MSRA: variants seen among roughly 807,000 people sequenced by gnomAD.
MSRA encodes the protein methionine sulfoxide reductase A, also known as mitochondrial peptide methionine sulfoxide reductase.
MSRA carries 54 observed loss-of-function variants against 31.3 expected under a neutral mutation model. The observed-to-expected ratio is 1.73, with a 90% CI of 1.39 to 2.17. The LOEUF (loss-of-function observed/expected upper bound fraction) is 2.17, where lower values mean the gene tolerates loss of function less well. Ranked by LOEUF, MSRA falls within the 30% of genes most tolerant of loss-of-function variation. MSRA has a pLI of 0.00. For synonymous variants in MSRA, 169 were observed against 116.5 expected (o/e 1.45, Z -2.90); for missense variants, 507 against 300.9 (o/e 1.69, Z -5.07).
chr8:10,349,752 T>C (rs1022993703), intron 5 of MSRA, among the ~76,000 whole-genome samples: 5 of 152,258 alleles, frequency 3.3e-5, no homozygotes, highest in Admixed American at 6.5e-5. Context: ...GAGGCTCTTT[T>C]AGGTCTAAGA....
chr8:10,125,781 C>T (rs575921145), intron 1 of MSRA, among the ~76,000 whole-genome samples: 1 of 152,324 alleles, frequency 6.6e-6, no homozygotes, highest in African/African-American at 2.4e-5. Flanking sequence ...AGTATCTTAA[C>T]CATTGCTATC....
chr8:10,395,770 T>A (rs1807059624), intron 5 of MSRA, among the ~76,000 whole-genome samples: 1 of 152,208 alleles, frequency 6.6e-6, no homozygotes, highest in South Asian at 2.1e-4. Flanking sequence ...TGAAGTCCAA[T>A]GAAACCTGCG....
chr8:10,346,125 T>C (rs1803759089), intron 5 of MSRA, among the ~76,000 whole-genome samples: 1 of 152,226 alleles, frequency 6.6e-6, no homozygotes, highest in Non-Finnish European at 1.5e-5. Context: ...TCCCTAAGGA[T>C]ACCAGGCCAT....
At chr8:10,277,726 G>A (rs756754592) in intron 3 of MSRA, among the ~76,000 whole-genome samples, 3 of 151,962 alleles carry the variant, frequency 2.0e-5, no homozygotes, top group Non-Finnish European at 2.9e-5. Flanking sequence ...TCTAATTTAC[G>A]GTTCTTTGGC....
intron 5 of MSRA, among the ~76,000 whole-genome samples, chr8:10,388,756 T>C (rs1001591442): frequency 5.3e-5 from 8 of 152,010 alleles, no homozygotes; most frequent in Non-Finnish European, 1.0e-4. Flanking sequence ...TGGAGCCAGA[T>C]AATTCCGTGT....
intron 1 of MSRA, among the ~76,000 whole-genome samples, chr8:10,105,823 T>A (rs1390555071): frequency 6.6e-6 from 1 of 152,184 alleles, no homozygotes; most frequent in Non-Finnish European, 1.5e-5. Context: ...CCGACTTTGC[T>A]CATGCTGTCC....
chr8:10,206,595 C>G (rs761406202), intron 1 of MSRA, among the ~76,000 whole-genome samples: 4 of 152,202 alleles, frequency 2.6e-5, no homozygotes, highest in East Asian at 1.9e-4. Flanking sequence ...CTCCACTGCA[C>G]CAAGACAGAT....
chr8:10,076,405 G>A (rs904028267), intron 1 of MSRA, among the ~76,000 whole-genome samples: 1 of 152,182 alleles, frequency 6.6e-6, no homozygotes, highest in South Asian at 2.1e-4. Context: ...CTCCACCTGA[G>A]CTCCAGCCTT....
At chr8:10,264,274 C>G (rs1173452961) in intron 3 of MSRA, among the ~76,000 whole-genome samples, 2 of 152,186 alleles carry the variant, frequency 1.3e-5, no homozygotes, top group Non-Finnish European at 2.9e-5. Context: ...ATGAGAACTC[C>G]AGCTATTAGC....
chr8:10,202,825 A>T (rs1808620278), intron 1 of MSRA, among the ~76,000 whole-genome samples: 1 of 152,226 alleles, frequency 6.6e-6, no homozygotes, highest in African/African-American at 2.4e-5. Context: ...GTAAGTACAA[A>T]TGAGGAAACT....
chr8:10,175,496 C>T (rs963929710), intron 1 of MSRA, among the ~76,000 whole-genome samples: 7 of 152,178 alleles, frequency 4.6e-5, no homozygotes, highest in Non-Finnish European at 7.3e-5. Context: ...AGATTAAAGA[C>T]AAATTTTAGT....
At chr8:10,100,779 GT>G (rs1187953884) in intron 1 of MSRA, among the ~76,000 whole-genome samples, 1 of 152,100 alleles carries the variant, frequency 6.6e-6, no homozygotes, top group African/African-American at 2.4e-5. Flanking sequence ...TTACCTGTGT[GT>G]GTTCTGTATT....
intron 5 of MSRA, among the ~76,000 whole-genome samples, chr8:10,340,619 T>G (rs1054963420): frequency 2.0e-5 from 3 of 152,212 alleles, no homozygotes; most frequent in Non-Finnish European, 4.4e-5. Context: ...GTGATCCGCC[T>G]GCCTCAGCCT....
chr8:10,200,754 C>T (rs765896164), intron 1 of MSRA, among the ~76,000 whole-genome samples: 2 of 152,170 alleles, frequency 1.3e-5, no homozygotes, highest in African/African-American at 2.4e-5. Flanking sequence ...CACCATATCG[C>T]ACATTGTAGG....
At position 10,112,638 on chromosome 8, in the gene MSRA, C is replaced by G. The variant is rs200583724; in HGVS notation, c.142+57980C>G. Among the ~76,000 whole-genome samples, 10 of 152,332 alleles carry G rather than the reference C, an allele frequency of 6.6e-5. No homozygotes were observed. The East Asian group carries it at 1.4e-3, about 21-fold the overall frequency. ...ACCTACTATGTGCTAAGCTCCCTGTCTTGTAAAACTTATATTAGGGAAGAC... is the reference window on the plus strand; with the variant it reads ...ACCTACTATGTGCTAAGCTCCCTGTGTTGTAAAACTTATATTAGGGAAGAC... On this transcript the variant is annotated intron_variant, in intron 1 of 5. Transcript: ENST00000317173.
intron 1 of MSRA, among the ~76,000 whole-genome samples, chr8:10,122,190 A>C (rs1801169837): frequency 6.6e-6 from 1 of 152,160 alleles, no homozygotes; most frequent in Non-Finnish European, 1.5e-5. Context: ...CGCCATGAGA[A>C]TTGATGTACA....
chr8:10,290,433 CT>C (rs1310381027), intron 3 of MSRA, among the ~76,000 whole-genome samples: 2 of 151,620 alleles, frequency 1.3e-5, no homozygotes, highest in African/African-American at 4.8e-5. Context: ...AATTCTGAGA[CT>C]TTGTTGAAAA....
At chr8:10,164,764 C>G (rs1205391397) in intron 1 of MSRA, among the ~76,000 whole-genome samples, 1 of 152,194 alleles carries the variant, frequency 6.6e-6, no homozygotes, top group Admixed American at 6.5e-5. Context: ...GAGCCAGTGG[C>G]TCAAGCCTGT....
intron 1 of MSRA, among the ~76,000 whole-genome samples, chr8:10,100,485 C>T (rs571443721): frequency 2.6e-5 from 4 of 151,850 alleles, no homozygotes; most frequent in African/African-American, 7.3e-5. Context: ...AGGTCTGTGG[C>T]CAGGGAGGGC....
Sources: allele counts gnomAD v4.1 joint callset (sites outside exome capture counted in the v4.1 genomes callset), GRCh38; gene constraint gnomAD v4.1.1; transcripts MANE v1.5; gene names NCBI Gene and HGNC (gene_info 2026-07-23, HGNC 2026-07-21).